Variants in PTPRM observed in about 807,000 individuals in gnomAD.
PTPRM encodes protein tyrosine phosphatase receptor type M.
Under a neutral mutation model 186.7 loss-of-function variants are expected in PTPRM, and 47 were observed. The observed-to-expected ratio is 0.25, with a 90% CI of 0.20 to 0.32. The LOEUF (loss-of-function observed/expected upper bound fraction) is 0.32. Ranked by LOEUF, PTPRM falls within the 10% of genes least tolerant of loss-of-function variation. The probability of loss-of-function intolerance (pLI) is 1.00; values close to 1 mark genes in which losing one functional copy is unlikely to be tolerated. For missense variants in PTPRM, 1,494 were observed against 1,865.0 expected (o/e 0.80, Z 3.66); for synonymous variants, 668 against 674.9 (o/e 0.99, Z 0.16).
At chr18:8,209,847 G>A (rs964758202) in intron 14 of PTPRM, among the ~76,000 whole-genome samples, 2 of 151,876 alleles carry the variant, frequency 1.3e-5, no homozygotes, top group South Asian at 2.1e-4. Flanking sequence ...GGGAGGGAGA[G>A]CATTAGGACA....
At chr18:8,302,499 G>A (rs559759879) in intron 20 of PTPRM, among the ~76,000 whole-genome samples, 60 of 152,172 alleles carry the variant, frequency 3.9e-4, no homozygotes, top group Middle Eastern at 3.4e-3. Context: ...GGGGTTGGGG[G>A]GGTGTTAATA....
At chr18:7,574,386 G>T (rs936233232) in intron 1 of PTPRM, among the ~76,000 whole-genome samples, 1 of 152,186 alleles carries the variant, frequency 6.6e-6, no homozygotes, top group East Asian at 1.9e-4. Context: ...TTGTATAGGA[G>T]ATATTTGTTG....
At chr18:7,823,208 C>G (rs538026395) in intron 2 of PTPRM, among the ~76,000 whole-genome samples, 7 of 152,304 alleles carry the variant, frequency 4.6e-5, no homozygotes, top group Non-Finnish European at 7.4e-5. Flanking sequence ...TCCCTCCACT[C>G]CCTGCAGAGA....
intron 19 of PTPRM, among the ~76,000 whole-genome samples, chr18:8,281,708 A>G (rs2094905994): frequency 6.6e-6 from 1 of 152,182 alleles, no homozygotes; most frequent in Admixed American, 6.5e-5. Flanking sequence ...AGGTCCACAG[A>G]CGCATTTGAA....
intron 14 of PTPRM, among the ~76,000 whole-genome samples, chr18:8,215,135 T>C (rs2094062095): frequency 1.3e-5 from 2 of 152,148 alleles, no homozygotes; most frequent in South Asian, 2.1e-4. Context: ...AAATTCATGG[T>C]TGAGGGACAA....
chr18:8,103,695 C>T (rs1422598605), intron 11 of PTPRM, among the ~76,000 whole-genome samples: 1 of 152,214 alleles, frequency 6.6e-6, no homozygotes, highest in East Asian at 1.9e-4. Context: ...AAAGCCGTTT[C>T]ACTTTCCTAT....
chr18:8,376,668 C>T (rs1365031209), intron 26 of PTPRM, 71 bp downstream of exon 26: 3 of 1,500,688 alleles, frequency 2.0e-6, no homozygotes, highest in Non-Finnish European at 2.7e-6. Context: ...CATTTCAGGG[C>T]CAAGGGCACA....
rs2036617432 is a variant in PTPRM at position 7,573,699 on chromosome 18, CCTG to C, written c.73+5810_73+5812del. On this transcript the variant is annotated intron_variant, in intron 1 of 32. Transcript: ENST00000580170. ...CTGCCTCCCGGGTTCAAGCGATTCT[CCTG>C]CCTCAGCCTCCCGAGTGGCTGGAAT... Among the ~76,000 whole-genome samples, 5 of 152,238 alleles carry C rather than the reference CCTG, an allele frequency of 3.3e-5. No individual in the cohort carries two copies. The South Asian group carries it at 1.0e-3, about 32-fold the overall frequency.
At chr18:7,829,858 A>T (rs2045671340) in intron 2 of PTPRM, among the ~76,000 whole-genome samples, 1 of 152,066 alleles carries the variant, frequency 6.6e-6, no homozygotes, top group South Asian at 2.1e-4. Flanking sequence ...TTACTTATGT[A>T]TCTATTTACT....
chr18:7,982,987 G>A (rs988648139), intron 7 of PTPRM, among the ~76,000 whole-genome samples: 2 of 151,982 alleles, frequency 1.3e-5, no homozygotes, highest in African/African-American at 4.8e-5. Context: ...ATCTGCATTC[G>A]CCACGATTCT....
intron 1 of PTPRM, among the ~76,000 whole-genome samples, chr18:7,697,257 T>C (rs185222603): frequency 6.6e-6 from 1 of 152,296 alleles, no homozygotes; most frequent in Admixed American, 6.5e-5. Context: ...ATTTTCAAAA[T>C]TGTGCCCATC....
chr18:8,346,485 A>G (rs2095505848), intron 23 of PTPRM, among the ~76,000 whole-genome samples: 1 of 152,062 alleles, frequency 6.6e-6, no homozygotes, highest in Non-Finnish European at 1.5e-5. Flanking sequence ...CACCTTAATG[A>G]CCTCATTTAA....
At chr18:8,376,652 T>C in intron 26 of PTPRM, 55 bp downstream of exon 26, 1 of 1,552,454 alleles carries the variant, frequency 6.4e-7, no homozygotes, top group Non-Finnish European at 8.7e-7. Flanking sequence ...CCCTCCTGCA[T>C]CTCCCCATTT....
At chr18:7,674,508 G>T (rs554756662) in intron 1 of PTPRM, among the ~76,000 whole-genome samples, 1 of 152,182 alleles carries the variant, frequency 6.6e-6, no homozygotes, top group South Asian at 2.1e-4. Context: ...GGAGAGGAGT[G>T]AATTTGCAGC....
chr18:8,252,398 A>G lies in PTPRM; in HGVS notation c.2555-90A>G. 9 of 1,072,786 alleles carry G rather than the reference A, an allele frequency of 8.4e-6. No individual in the cohort carries two copies. The South Asian group carries it at 1.1e-4, about 14-fold the overall frequency. 66.5% of individuals were successfully genotyped at this position (1,072,786 alleles called of 1,614,324 possible). ...TGGAAAGTTAAAGCATAAAATAAAA[A>G]CTACCTGTAATTATGCACGCAGTAC... On this transcript the variant is annotated intron_variant, in intron 17 of 32. Transcript: ENST00000580170.
chr18:7,737,458 G>A (rs902559509), intron 1 of PTPRM, among the ~76,000 whole-genome samples: 3 of 152,176 alleles, frequency 2.0e-5, no homozygotes, highest in Non-Finnish European at 2.9e-5. Flanking sequence ...TTTGAAACCC[G>A]TATGTAATCT....
intron 14 of PTPRM, among the ~76,000 whole-genome samples, chr18:8,180,706 G>A (rs1020388488): frequency 6.6e-6 from 1 of 152,130 alleles, no homozygotes; most frequent in Non-Finnish European, 1.5e-5. Context: ...ATTCCTAGAG[G>A]AAGGTCATAT....
chr18:8,334,909 A>C (rs930111690), intron 22 of PTPRM, among the ~76,000 whole-genome samples: 3 of 152,042 alleles, frequency 2.0e-5, no homozygotes, highest in Non-Finnish European at 4.4e-5. Context: ...CTTCATCCTC[A>C]GCTGCTGATG....
chr18:7,846,061 C>T (rs1000056827), intron 2 of PTPRM, among the ~76,000 whole-genome samples: 1 of 152,126 alleles, frequency 6.6e-6, no homozygotes. Flanking sequence ...TCATTTGATG[C>T]GGATTACCTC....
Sources: gnomAD v4.1 joint callset for allele counts (sites outside exome capture counted in the v4.1 genomes callset) on GRCh38, gnomAD v4.1.1 for gene constraint, MANE v1.5 for transcripts, NCBI Gene and HGNC (gene_info 2026-07-23, HGNC 2026-07-21) for gene names.